PCDHGB4: variants seen among roughly 807,000 people sequenced by gnomAD.
The protein encoded by PCDHGB4 is protocadherin gamma subfamily B, 4.
PCDHGB4 carries 38 observed loss-of-function variants against 60.5 expected under a neutral mutation model. The observed-to-expected ratio is 0.63, with a 90% CI of 0.48 to 0.82. The LOEUF (loss-of-function observed/expected upper bound fraction) is 0.82. Among genes scored for constraint, PCDHGB4 ranks in the 40% least tolerant of loss-of-function variants. PCDHGB4 has a pLI of 0.00. For missense variants in PCDHGB4, 1,109 were observed against 1,209.6 expected (o/e 0.92, Z 1.23); for synonymous variants, 456 against 509.7 (o/e 0.89, Z 1.42).
chr5:141,453,387 G>A (rs1313174494), intron 1 of PCDHGB4, among the ~76,000 whole-genome samples: 1 of 151,936 alleles, frequency 6.6e-6, no homozygotes, highest in Non-Finnish European at 1.5e-5. Flanking sequence ...TCCTGCCTTA[G>A]CCTCCAAGTG....
chr5:141,477,571 C>A lies in PCDHGB4; in HGVS notation c.2398-17236C>A, dbSNP rs1470454976. ...TAAACCTAAGTGTCTGGGACCCCGA[C>A]GCCCCGCAGAATGCTCGGCTTTCTT... is the stretch of plus-strand genomic sequence containing the variant. On this transcript the variant is annotated intron_variant, in intron 1 of 3. Coordinates refer to ENST00000519479, the MANE Select transcript of PCDHGB4 (RefSeq NM_003736.4). The surrounding 1 kb of genome is among the most constrained non-coding windows in gnomAD (Gnocchi z 4.9). The A allele has an allele frequency of 3.1e-6, 5 of 1,614,042 alleles. No homozygotes were observed. In the South Asian group the frequency reaches 4.4e-5, roughly 14 times the overall value.
rs1457765340 is a variant in PCDHGB4 at position 141,491,122 on chromosome 5, G to GT, written c.2398-3684dup. 1 of 1,614,058 alleles carries GT rather than the reference G, an allele frequency of 6.2e-7. No homozygotes were observed. Among genetic ancestry groups the GT allele is most frequent in the Non-Finnish European group, 8.5e-7 (1 of 1,180,036 alleles). Reference sequence around the variant, plus strand: ...CCTCGTGTCTACACACACTGGTGAGGTGCGCACAGCCCGGGCCTTACTGGA... The same window carrying GT: ...CCTCGTGTCTACACACACTGGTGAGGTTGCGCACAGCCCGGGCCTTACTGGA... On this transcript the variant is annotated intron_variant, in intron 1 of 3. Coordinates refer to ENST00000519479, the MANE Select transcript of PCDHGB4 (RefSeq NM_003736.4). The surrounding 1 kb of genome is among the most constrained non-coding windows in gnomAD (Gnocchi z 6.9).
Position 141,491,844 on chromosome 5 carries a change from G to A in PCDHGB4, c.2398-2963G>A. On this transcript the variant is annotated intron_variant, in intron 1 of 3. Transcript: ENST00000519479. The surrounding 1 kb of genome is among the most constrained non-coding windows in gnomAD (Gnocchi z 6.9). ...GCTCCACCCGATTCTCGGGATCATT[G>A]GACCGTTTGCGCGAAACCAGAGTGG... 1 of 1,464,184 alleles carries A rather than the reference G, an allele frequency of 6.8e-7. No homozygotes were observed. 90.7% of individuals were successfully genotyped at this position (1,464,184 alleles called of 1,614,324 possible).
At chr5:141,417,680 A>G (rs1236124418) in intron 1 of PCDHGB4, 21 of 1,016,072 alleles carry the variant, frequency 2.1e-5, no homozygotes, top group Non-Finnish European at 2.9e-5. Context: ...AGCCAACAAC[A>G]GAAAAGAAAA....
At chr5:141,441,827 A>G (rs1344314632) in intron 1 of PCDHGB4, 1 of 355,628 alleles carries the variant, frequency 2.8e-6, no homozygotes, top group Non-Finnish European at 5.6e-6. Flanking sequence ...CTGGAGCGCA[A>G]TGGCTTCGCG....
intron 1 of PCDHGB4, among the ~76,000 whole-genome samples, chr5:141,402,220 C>T (rs1489596372): frequency 2.0e-5 from 3 of 151,886 alleles, no homozygotes; most frequent in African/African-American, 2.4e-5. Context: ...TTAAAATAAA[C>T]GTTTTTCCAG....
rs758515649 is a variant in PCDHGB4 at position 141,432,368 on chromosome 5, A to G, written c.2397+42087A>G. On this transcript the variant is annotated intron_variant, in intron 1 of 3. Coordinates refer to ENST00000519479, the MANE Select transcript of PCDHGB4 (RefSeq NM_003736.4). This position sits in a 1 kb window ranked among gnomAD's most constrained non-coding sequence, Gnocchi z 6.0. ...GCAAGTGAAAGTGATGGCGCGGGAC[A>G]ACGGGCACCCGCCCCTCAGCAGCAA... 1.2e-6 allele frequency: 2 copies of G among 1,614,110 alleles called. No homozygotes were observed. Among genetic ancestry groups the G allele is most frequent in the Non-Finnish European group, 1.7e-6 (2 of 1,180,054 alleles).
In PCDHGB4 at chr5:141,403,683, A is replaced by G. The variant is rs757429628; in HGVS notation, c.2397+13402A>G. 2.5e-6 allele frequency: 4 copies of G among 1,613,804 alleles called. No individual in the cohort carries two copies. The highest frequency in any genetic ancestry group is 1.7e-6 in the Non-Finnish European group (2 of 1,179,888). ...AATGATAATGCCCCGGTTTTTGCTC[A>G]ACGGATTTACCGAGTTAAAGTCCTT... On this transcript the variant is annotated intron_variant, in intron 1 of 3. Transcript: ENST00000519479.
intron 1 of PCDHGB4, among the ~76,000 whole-genome samples, chr5:141,464,882 A>T (rs1418376370): frequency 6.6e-6 from 1 of 151,918 alleles, no homozygotes; most frequent in Middle Eastern, 3.2e-3. Context: ...AGGACTACAG[A>T]TGGATGCCAC....
intron 1 of PCDHGB4, chr5:141,395,078 G>A: frequency 1.2e-6 from 2 of 1,614,126 alleles, no homozygotes; most frequent in Non-Finnish European, 1.7e-6. Flanking sequence ...CCTATTCCCA[G>A]GAAGTCTCCC....
chr5:141,390,118 C>G lies in PCDHGB4; in HGVS notation c.2234C>G (p.Thr745Ser). The part of the protein sequence containing the change: ...SVVPPNYSEG[T>S]LPYSYNLCVA... The stretch of plus-strand genomic sequence containing the variant: ...GTTCCCCCCAACTACAGCGAGGGGA[C>G]TTTGCCTTATTCCTACAATCTATGT... Residue 745 changes from threonine (T) to serine (S), a missense_variant, in exon 1 of 4, where the codon ACT becomes AGT. Coordinates refer to ENST00000519479, the MANE Select transcript of PCDHGB4 (RefSeq NM_003736.4). The G allele has an allele frequency of 1.2e-6, 2 of 1,614,036 alleles. No individual in the cohort carries two copies. Among genetic ancestry groups the G allele is most frequent in the Non-Finnish European group, 1.7e-6 (2 of 1,179,884 alleles).
intron 1 of PCDHGB4, chr5:141,400,116 C>G (rs2093964416): frequency 6.2e-7 from 1 of 1,614,086 alleles, no homozygotes; most frequent in African/African-American, 1.3e-5. Context: ...TTGCTGACAG[C>G]TTGCAGGAGG....
intron 1 of PCDHGB4, chr5:141,409,471 A>T: frequency 6.2e-7 from 1 of 1,613,978 alleles, no homozygotes; most frequent in Non-Finnish European, 8.5e-7. Context: ...TCACCATCGT[A>T]GCCACTGACA....
chr5:141,505,507 A>G, intron 3 of PCDHGB4, 26 bp downstream of exon 3: 1 of 1,614,004 alleles, frequency 6.2e-7, no homozygotes, highest in South Asian at 1.1e-5. Flanking sequence ...GTGTGTATGG[A>G]AGAGTGGGAG....
In PCDHGB4 at chr5:141,389,569, A is replaced by T; in HGVS notation, c.1685A>T (p.Tyr562Phe). The part of the protein sequence containing the change: ...DRNDNAPRVL[Y>F]PALGPDGSAL... ...AACGACAATGCGCCACGGGTGCTGT[A>T]CCCCGCGCTGGGTCCCGACGGCTCT... Residue 562 changes from tyrosine to phenylalanine, a missense_variant, in exon 1 of 4, where the codon TAC (tyrosine) becomes TTC (phenylalanine). This residue lies in a region of PCDHGB4 where 1,068 missense variants were observed against 1,089.9 expected (regional missense o/e 0.98). Coordinates refer to ENST00000519479, the MANE Select transcript of PCDHGB4 (RefSeq NM_003736.4). 1.2e-6 allele frequency: 2 copies of T among 1,613,182 alleles called. No individual in the cohort carries two copies. The highest frequency in any genetic ancestry group is 1.7e-6 in the Non-Finnish European group (2 of 1,179,766).
At chr5:141,402,067 A>G (rs2094221639) in intron 1 of PCDHGB4, among the ~76,000 whole-genome samples, 1 of 152,226 alleles carries the variant, frequency 6.6e-6, no homozygotes, top group Non-Finnish European at 1.5e-5. Flanking sequence ...TTAAAAAACT[A>G]AGCATTTTTG....
chr5:141,486,987 G>C lies in PCDHGB4; in HGVS notation c.2398-7820G>C, dbSNP rs1327158531. ...GACTTGGATTCAGGTTACAATGCTTGGGTTTCCTATCAGCTCCTGGAGGCC... is the reference window on the plus strand; with the variant it reads ...GACTTGGATTCAGGTTACAATGCTTCGGTTTCCTATCAGCTCCTGGAGGCC... On this transcript the variant is annotated intron_variant, in intron 1 of 3. Transcript: ENST00000519479. The surrounding 1 kb of genome is among the most constrained non-coding windows in gnomAD (Gnocchi z 5.0). The C allele has an allele frequency of 6.2e-7, 1 of 1,614,144 alleles. No homozygotes were observed. Among genetic ancestry groups the C allele is most frequent in the Admixed American group, 1.7e-5 (1 of 60,020 alleles).
intron 1 of PCDHGB4, chr5:141,408,674 A>T (rs1005052894): frequency 3.1e-6 from 5 of 1,614,000 alleles, no homozygotes; most frequent in Non-Finnish European, 4.2e-6. Flanking sequence ...TGACCCTGCC[A>T]CGGATCCTGA....
At chr5:141,422,127 A>G (rs779974245) in intron 1 of PCDHGB4, 1 of 1,600,944 alleles carries the variant, frequency 6.2e-7, no homozygotes. Context: ...CACAAACTGG[A>G]GAAGTTCAAG....
Sources: gnomAD v4.1 joint callset for allele counts (sites outside exome capture counted in the v4.1 genomes callset) on GRCh38, gnomAD v4.1.1 for gene constraint, gnomAD v4.1.1 regional missense constraint, Gnocchi (gnomAD v3.1) non-coding constraint, MANE v1.5 for transcripts, NCBI Gene and HGNC (gene_info 2026-07-23, HGNC 2026-07-21) for gene names.